The following SMC3 variants were observed in gnomAD, a reference collection of about 807,000 sequenced individuals.
SMC3 encodes the protein structural maintenance of chromosomes protein 3.
Under a neutral mutation model 171.8 loss-of-function variants are expected in SMC3, and 20 were observed. The observed-to-expected ratio is 0.12, with a 90% CI of 0.08 to 0.17. The LOEUF is 0.17. Ranked by LOEUF, SMC3 falls within the 10% of genes least tolerant of loss-of-function variation. The pLI, the probability that SMC3 is intolerant of heterozygous loss-of-function variation, is 1.00. For missense variants in SMC3, 543 were observed against 1,420.4 expected (o/e 0.38, Z 9.93); for synonymous variants, 464 against 451.1 (o/e 1.03, Z -0.36).
chr10:110,600,880 T>TAA (rs1285806754), intron 22 of SMC3, 142 bp from the exon 23 acceptor site: 2 of 657,782 alleles, frequency 3.0e-6, no homozygotes, highest in Non-Finnish European at 5.3e-6. Flanking sequence ...TTCTTCCCTT[T>TAA]AATGGATACT....
At chr10:110,585,018 CT>C (rs573235744) in intron 13 of SMC3, among the ~76,000 whole-genome samples, 46 of 147,768 alleles carry the variant, frequency 3.1e-4, no homozygotes, top group Admixed American at 4.1e-4. Flanking sequence ...TTGTTGGTAA[CT>C]TTTTTTTTTT....
intron 13 of SMC3, among the ~76,000 whole-genome samples, chr10:110,585,450 G>A (rs542105322): frequency 2.6e-5 from 4 of 151,376 alleles, no homozygotes; most frequent in Non-Finnish European, 5.9e-5. Flanking sequence ...CACCACGCCC[G>A]GCTAATTTTT....
chr10:110,580,296 T>C (rs147117258), intron 7 of SMC3, among the ~76,000 whole-genome samples: 1,610 of 152,240 alleles, frequency 0.011, 27 homozygotes, highest in Admixed American at 0.045. Flanking sequence ...TAATATATTA[T>C]TGTAGCTTTA....
intron 2 of SMC3, among the ~76,000 whole-genome samples, chr10:110,570,038 A>G (rs1860846288): frequency 6.6e-6 from 1 of 152,148 alleles, no homozygotes; most frequent in Non-Finnish European, 1.5e-5. Flanking sequence ...CTTAAACAAG[A>G]TATTTTTTTT....
chr10:110,586,547 G>A (rs574352120), intron 13 of SMC3, among the ~76,000 whole-genome samples: 2 of 152,266 alleles, frequency 1.3e-5, no homozygotes, highest in South Asian at 4.1e-4. Flanking sequence ...TGTCATGCTT[G>A]AAGTTCATTA....
chr10:110,601,935 A>G (rs888449581), intron 24 of SMC3, 31 bp from the exon 25 acceptor site: 2 of 1,608,248 alleles, frequency 1.2e-6, no homozygotes, highest in Middle Eastern at 1.7e-4. Flanking sequence ...ATATAAATTT[A>G]TTTATATGAA....
At chr10:110,580,857 A>T in intron 7 of SMC3, 47 bp from the exon 8 acceptor site, 1 of 1,010,314 alleles carries the variant, frequency 9.9e-7, no homozygotes, top group Non-Finnish European at 1.6e-6. Context: ...TCTTCTTCTT[A>T]AACGGAGGCT....
intron 18 of SMC3, 135 bp from the exon 19 acceptor site, chr10:110,596,262 AT>A (rs1564794163): frequency 7.8e-6 from 6 of 773,964 alleles, no homozygotes; most frequent in Non-Finnish European, 1.2e-5. Context: ...GAAAAGCAAA[AT>A]TTTTTCAGGG....
intron 7 of SMC3, among the ~76,000 whole-genome samples, chr10:110,580,642 AGT>A (rs1359719943): frequency 6.6e-6 from 1 of 152,236 alleles, no homozygotes; most frequent in Non-Finnish European, 1.5e-5. Context: ...AAACCTTTCG[AGT>A]GTGGACATGA....
At chr10:110,574,070 T>A (rs149948599) in intron 3 of SMC3, among the ~76,000 whole-genome samples, 1 of 152,356 alleles carries the variant, frequency 6.6e-6, no homozygotes, top group African/African-American at 2.4e-5. Flanking sequence ...ATGAAAATGC[T>A]TTTTAAACTT....
rs1486969377 is a variant in SMC3 at position 110,604,794 on chromosome 10, T to C, written c.*492T>C. Among the ~76,000 whole-genome samples the C allele has an allele frequency of 6.6e-6, 1 of 152,176 alleles. No individual in the cohort carries two copies. The highest frequency in any genetic ancestry group is 1.5e-5 in the Non-Finnish European group (1 of 68,006). On this transcript the variant is annotated 3_prime_UTR_variant, in exon 29 of 29. Transcript: ENST00000361804. Reference sequence around the variant, plus strand: ...TATTGAGGGTTAGGACTTCAACATGTGAGTTTGGGAAGGGAAGCACAAAAT... The same window carrying C: ...TATTGAGGGTTAGGACTTCAACATGCGAGTTTGGGAAGGGAAGCACAAAAT...
Position 110,568,944 on chromosome 10 carries a change from A to G in SMC3, c.22A>G (p.Ile8Val). The G allele has an allele frequency of 6.3e-7, 1 of 1,593,966 alleles. No homozygotes were observed. Among genetic ancestry groups the G allele is most frequent in the Non-Finnish European group, 8.6e-7 (1 of 1,161,830 alleles). Residue 8 changes from isoleucine to valine, a missense_variant, in exon 2 of 29, where the codon ATC becomes GTC. Ile to Val is a conservative substitution (Grantham distance 29, BLOSUM62 3). This residue lies in a region of SMC3 where 146 missense variants were observed against 437.9 expected (regional missense o/e 0.33). Coordinates refer to ENST00000361804, the MANE Select transcript of SMC3 (RefSeq NM_005445.4). MYIKQVI[I>V]QGFRSYRDQT... Reference sequence around the variant, plus strand: ...AATGTTTTTTATTTACTAGGTGATTATCCAGGGTTTTCGAAGTTACAGAGA... The same window carrying G: ...AATGTTTTTTATTTACTAGGTGATTGTCCAGGGTTTTCGAAGTTACAGAGA...
At chr10:110,568,425 C>T (rs901692292) in intron 1 of SMC3, 7 of 166,938 alleles carry the variant, frequency 4.2e-5, no homozygotes, top group Admixed American at 3.6e-4. Flanking sequence ...ATGGTCTTCC[C>T]GCGCGGGACT....
intron 1 of SMC3, 59 bp downstream of exon 1, chr10:110,567,890 G>C (rs1459780856): frequency 6.3e-7 from 1 of 1,598,032 alleles, no homozygotes; most frequent in African/African-American, 1.4e-5. Flanking sequence ...TCCTTGAGGC[G>C]GGAGTGTTGC....
At chr10:110,604,094 C>CAAA (rs57491050) in intron 28 of SMC3, 137 bp from the exon 29 acceptor site, 10,274 of 224,628 alleles carry the variant, frequency 0.046, 99 homozygotes, top group African/African-American at 0.084. Context: ...GACTCCATCT[C>CAAA]AAAAAAAAAA....
chr10:110,568,032 TG>T (rs1860801813), intron 1 of SMC3, among the ~76,000 whole-genome samples: 1 of 152,186 alleles, frequency 6.6e-6, no homozygotes, highest in Non-Finnish European at 1.5e-5. Flanking sequence ...GGCACTCCTT[TG>T]CAGCCCCGGC....
intron 20 of SMC3, 131 bp downstream of exon 20, chr10:110,598,421 T>C: frequency 1.0e-6 from 1 of 954,396 alleles, no homozygotes; most frequent in Non-Finnish European, 1.6e-6. Flanking sequence ...TTTTTTTTTT[T>C]GAAGACAGAG....
chr10:110,581,891 A>G (rs566852786), intron 8 of SMC3, 32 bp from the exon 9 acceptor site: 21 of 1,574,546 alleles, frequency 1.3e-5, no homozygotes, highest in African/African-American at 5.4e-5. Context: ...ATCTTATTCA[A>G]TTCTTCCACC....
intron 4 of SMC3, among the ~76,000 whole-genome samples, chr10:110,575,926 A>G (rs563109104): frequency 6.6e-6 from 1 of 152,350 alleles, no homozygotes; most frequent in South Asian, 2.1e-4. Context: ...AATTGGGAAC[A>G]TAGAGAAACA....
Sources: allele counts gnomAD v4.1 joint callset (sites outside exome capture counted in the v4.1 genomes callset), GRCh38; gene constraint gnomAD v4.1.1; regional missense constraint gnomAD v4.1.1; transcripts MANE v1.5; gene names NCBI Gene and HGNC (gene_info 2026-07-23, HGNC 2026-07-21).